Variants in ASIC2 observed in about 807,000 individuals in gnomAD.
The protein encoded by ASIC2 is acid-sensing ion channel 2.
In ASIC2, 25 loss-of-function variants were observed where a neutral mutation model predicts 57.3. That is an observed-to-expected ratio of 0.44 (90% CI 0.32 to 0.61). ASIC2 has a LOEUF of 0.61. Ranked by LOEUF, ASIC2 falls within the 20% of genes least tolerant of loss-of-function variation. ASIC2 has a pLI of 0.06. For missense variants in ASIC2, 641 were observed against 738.1 expected (o/e 0.87, Z 1.52); for synonymous variants, 319 against 307.5 (o/e 1.04, Z -0.39).
rs555182247 is a variant in ASIC2, at chr17:34,013,238, G to A, written c.555+142740C>T. ...CTCCATGTCAACAGGGAGCTGAGAC[G>A]AGATGTTGTCCCTGGGGTTGGGTGG... On this transcript the variant is annotated intron_variant, in intron 1 of 9. Coordinates refer to the ASIC2 transcript ENST00000359872. 1.5e-4 allele frequency among the ~76,000 whole-genome samples: 23 copies of A among 152,286 alleles called. No individual in the cohort carries two copies. In the South Asian group the frequency reaches 3.3e-3, roughly 22 times the overall value.
chr17:34,047,128 C>CA (rs555053697), intron 1 of ASIC2, among the ~76,000 whole-genome samples: 4 of 152,114 alleles, frequency 2.6e-5, no homozygotes, highest in Non-Finnish European at 5.9e-5. Flanking sequence ...GTGAGGTCTG[C>CA]AAGGCCCCAA....
chr17:33,863,529 C>T (rs1914148939), intron 1 of ASIC2, among the ~76,000 whole-genome samples: 1 of 152,220 alleles, frequency 6.6e-6, no homozygotes, highest in Non-Finnish European at 1.5e-5. Context: ...TCTCCCACCT[C>T]AGTGGAAATG....
intron 8 of ASIC2, among the ~76,000 whole-genome samples, chr17:33,016,521 C>T (rs1381624254): frequency 6.6e-6 from 1 of 152,122 alleles, no homozygotes; most frequent in Admixed American, 6.5e-5. Flanking sequence ...AAATCTGTTA[C>T]CTGGTGTGAT....
Position 33,639,761 on chromosome 17 carries a change from G to GAAAAAA in ASIC2, c.555+516211_555+516216dup, listed in dbSNP as rs3032192. On this transcript the variant is annotated intron_variant, in intron 1 of 9. Transcript: ENST00000359872. ...AGGGTGGGCAGAAAGCTCAGGTTAA[G>GAAAAAA]AAAAAAAAAAAAAAAAAGCGGAACA... 5.3e-3 allele frequency among the ~76,000 whole-genome samples: 658 copies of GAAAAAA among 125,082 alleles called. 16 individuals are homozygous for GAAAAAA. The highest frequency in any genetic ancestry group is 0.019 in the African/African-American group (594 of 31,854). 82.1% of individuals were successfully genotyped at this position (125,082 alleles called of 152,430 possible).
chr17:33,594,842 A>AG (rs1904934273), intron 1 of ASIC2, among the ~76,000 whole-genome samples: 1 of 151,922 alleles, frequency 6.6e-6, no homozygotes, highest in South Asian at 2.1e-4. Context: ...AAAAAAAAAA[A>AG]AAGAGCTCTG....
chr17:34,116,123 T>C (rs1182772351), intron 1 of ASIC2, among the ~76,000 whole-genome samples: 1 of 152,208 alleles, frequency 6.6e-6, no homozygotes, highest in African/African-American at 2.4e-5. Flanking sequence ...CGTTTGACCT[T>C]TGGTCTCCTG....
intron 3 of ASIC2, among the ~76,000 whole-genome samples, chr17:33,044,736 A>G (rs568382757): frequency 6.6e-6 from 1 of 152,336 alleles, no homozygotes; most frequent in African/African-American, 2.4e-5. Flanking sequence ...TGAATAAGAT[A>G]TGATTCCTAC....
At chr17:33,715,316 T>G (rs573838918) in intron 1 of ASIC2, among the ~76,000 whole-genome samples, 22 of 152,246 alleles carry the variant, frequency 1.4e-4, no homozygotes, top group African/African-American at 4.6e-4. Flanking sequence ...TTTAAACTTT[T>G]AAAAATAAGA....
intron 1 of ASIC2, among the ~76,000 whole-genome samples, chr17:33,733,595 T>C (rs1187272308): frequency 6.6e-6 from 1 of 152,210 alleles, no homozygotes; most frequent in Non-Finnish European, 1.5e-5. Context: ...AACATGGCTC[T>C]TCTACTGATT....
chr17:33,712,503 C>G (rs187079747), intron 1 of ASIC2, among the ~76,000 whole-genome samples: 1 of 152,136 alleles, frequency 6.6e-6, no homozygotes, highest in African/African-American at 2.4e-5. Flanking sequence ...GTAAAGAATT[C>G]GGGCCTGATT....
chr17:33,891,644 G>C (rs1914961163), intron 1 of ASIC2, among the ~76,000 whole-genome samples: 1 of 152,114 alleles, frequency 6.6e-6, no homozygotes, highest in Admixed American at 6.6e-5. Flanking sequence ...TTTCCCTCTT[G>C]TTTTGGCTGT....
At chr17:33,816,255 C>T (rs1912577924) in intron 1 of ASIC2, among the ~76,000 whole-genome samples, 1 of 152,004 alleles carries the variant, frequency 6.6e-6, no homozygotes, top group Non-Finnish European at 1.5e-5. Context: ...TTCCAGGGCA[C>T]CTGCTTCTCA....
intron 1 of ASIC2, among the ~76,000 whole-genome samples, chr17:33,476,071 T>C (rs1344900097): frequency 6.6e-6 from 1 of 152,218 alleles, no homozygotes; most frequent in Non-Finnish European, 1.5e-5. Context: ...CACTGAATTC[T>C]GGAGCAGCTT....
intron 1 of ASIC2, among the ~76,000 whole-genome samples, chr17:33,456,875 G>T (rs1056271676): frequency 6.6e-6 from 1 of 152,206 alleles, no homozygotes; most frequent in Non-Finnish European, 1.5e-5. Context: ...AATGGGGATA[G>T]TACGAGTACT....
upstream of ASIC2, among the ~76,000 whole-genome samples, chr17:33,296,168 A>G (rs1177341359): frequency 6.6e-6 from 1 of 152,228 alleles, no homozygotes; most frequent in African/African-American, 2.4e-5. Context: ...TTTACACTAA[A>G]AACAAGTATC....
intron 1 of ASIC2, among the ~76,000 whole-genome samples, chr17:33,889,337 G>A (rs1240541261): frequency 6.6e-6 from 1 of 152,110 alleles, no homozygotes; most frequent in Non-Finnish European, 1.5e-5. Context: ...CATTGAGTGA[G>A]GGAAGTGAAT....
At chr17:33,739,921 A>G (rs1597856761) in intron 1 of ASIC2, among the ~76,000 whole-genome samples, 1 of 151,062 alleles carries the variant, frequency 6.6e-6, no homozygotes, top group East Asian at 1.9e-4. Context: ...AGAAAAGAAA[A>G]AAGAAAGAAA....
At chr17:33,368,264 C>A (rs1167727129) in intron 1 of ASIC2, among the ~76,000 whole-genome samples, 1 of 152,204 alleles carries the variant, frequency 6.6e-6, no homozygotes, top group Non-Finnish European at 1.5e-5. Flanking sequence ...TGTAAGAAGT[C>A]TGGCTACCCT....
chr17:33,348,584 A>G (rs1181747695), intron 1 of ASIC2, among the ~76,000 whole-genome samples: 1 of 152,112 alleles, frequency 6.6e-6, no homozygotes, highest in African/African-American at 2.4e-5. Context: ...GCACAACACC[A>G]GGGTGAGAGG....
Sources: gnomAD v4.1 joint callset for allele counts (sites outside exome capture counted in the v4.1 genomes callset) on GRCh38, gnomAD v4.1.1 for gene constraint, MANE v1.5 for transcripts, NCBI Gene and HGNC (gene_info 2026-07-23, HGNC 2026-07-21) for gene names.